The following MCPH1 variants were observed in gnomAD, a reference collection of about 807,000 sequenced individuals.
The protein encoded by MCPH1 is microcephalin.
In MCPH1, 104 loss-of-function variants were observed where a neutral mutation model predicts 84.5. That is an observed-to-expected ratio of 1.23 (90% CI 1.05 to 1.45). The LOEUF is 1.45. Among genes scored for constraint, MCPH1 ranks in the 40% most tolerant of loss-of-function variants. The pLI, the probability that MCPH1 is intolerant of heterozygous loss-of-function variation, is 0.00. For synonymous variants in MCPH1, 514 were observed against 366.8 expected, an observed-to-expected ratio of 1.40 and a Z score of -4.58; for missense variants, 1,498 against 1,005.7, an observed-to-expected ratio of 1.49 and a Z score of -6.62.
At chr8:6,423,424 C>T (rs1020048269) in intron 3 of MCPH1, among the ~76,000 whole-genome samples, 1 of 152,066 alleles carries the variant, frequency 6.6e-6, no homozygotes, top group African/African-American at 2.4e-5. Flanking sequence ...CTCGGCCTCC[C>T]AAAGTGCTGG....
intron 4 of MCPH1, among the ~76,000 whole-genome samples, chr8:6,432,444 C>T (rs933326455): frequency 6.6e-6 from 1 of 152,176 alleles, no homozygotes; most frequent in African/African-American, 2.4e-5. Context: ...ATACAGAGGG[C>T]AAACTGTAGA....
intron 12 of MCPH1, among the ~76,000 whole-genome samples, chr8:6,576,680 GTATTTTTT>G (rs1827136768): frequency 5.5e-5 from 2 of 36,340 alleles, no homozygotes; most frequent in African/African-American, 1.3e-4. Context: ...GCTAATTTTT[GTATTTTTT>G]TTTTTTTTTT....
intron 11 of MCPH1, 93 bp from the exon 12 acceptor site, chr8:6,499,759 T>G: frequency 9.5e-7 from 1 of 1,057,724 alleles, no homozygotes; most frequent in South Asian, 1.3e-5. Flanking sequence ...GCGGAGTGTA[T>G]CACTTTTTGC....
At chr8:6,509,338 C>T (rs920147438) in intron 12 of MCPH1, among the ~76,000 whole-genome samples, 1 of 152,204 alleles carries the variant, frequency 6.6e-6, no homozygotes, top group African/African-American at 2.4e-5. Flanking sequence ...ATTTATTTTC[C>T]TGCTGCTTTC....
In MCPH1 at chr8:6,510,034, C is replaced by T. The variant is rs146543055; in HGVS notation, c.2214+10105C>T. On this transcript the variant is annotated intron_variant, in intron 12 of 13. Coordinates refer to ENST00000344683, the MANE Select transcript of MCPH1 (RefSeq NM_024596.5). Reference sequence around the variant, plus strand: ...TATCACCTTCACACCATCGTAAAGTCGAAAAATCTTAAGTTGAACCATTGT... The same window carrying T: ...TATCACCTTCACACCATCGTAAAGTTGAAAAATCTTAAGTTGAACCATTGT... 2.2e-4 allele frequency among the ~76,000 whole-genome samples: 34 copies of T among 152,090 alleles called. 1 individual carries two copies. In the East Asian group the frequency reaches 5.4e-3, roughly 24 times the overall value.
intron 13 of MCPH1, among the ~76,000 whole-genome samples, chr8:6,640,105 C>CGCGT (rs1354819792): frequency 1.7e-4 from 23 of 133,532 alleles, no homozygotes; most frequent in Non-Finnish European, 9.7e-5. Context: ...TGTGCGCGCG[C>CGCGT]GTGTGTGTGT....
At chr8:6,598,000 C>G (rs1829057306) in intron 12 of MCPH1, among the ~76,000 whole-genome samples, 1 of 152,234 alleles carries the variant, frequency 6.6e-6, no homozygotes, top group South Asian at 2.1e-4. Context: ...GCTGAATAAA[C>G]AGCCACATTT....
At chr8:6,585,945 G>A (rs1252850744) in intron 12 of MCPH1, among the ~76,000 whole-genome samples, 1 of 152,160 alleles carries the variant, frequency 6.6e-6, no homozygotes, top group Non-Finnish European at 1.5e-5. Context: ...TTTTCTGAAA[G>A]CAAGTGAAGC....
chr8:6,597,557 C>T (rs1412045581), intron 12 of MCPH1, among the ~76,000 whole-genome samples: 1 of 152,174 alleles, frequency 6.6e-6, no homozygotes, highest in Non-Finnish European at 1.5e-5. Context: ...AGAACATTCA[C>T]CAGCTCGGCC....
chr8:6,568,634 G>A (rs1356369637), intron 12 of MCPH1, among the ~76,000 whole-genome samples: 2 of 152,106 alleles, frequency 1.3e-5, no homozygotes, highest in African/African-American at 4.8e-5. Context: ...AAGCCCTGCC[G>A]AGCTGAAAAA....
At chr8:6,597,631 G>T (rs995937782) in intron 12 of MCPH1, among the ~76,000 whole-genome samples, 3 of 152,290 alleles carry the variant, frequency 2.0e-5, no homozygotes, top group African/African-American at 7.2e-5. Flanking sequence ...CCGGAACACG[G>T]AGGGAGGGCT....
Position 6,505,349 on chromosome 8 carries a change from T to TG in MCPH1, c.2214+5420_2214+5421insG, listed in dbSNP as rs1491322208. Among the ~76,000 whole-genome samples the TG allele has an allele frequency of 1.6e-3, 78 of 48,812 alleles. 2 individuals are homozygous for TG. The highest frequency in any genetic ancestry group is 9.5e-3 in the Admixed American group (47 of 4,944). The allele number at this position is 48,812 out of a possible 152,430, so 32.0% of individuals were successfully genotyped here. A position where few individuals can be genotyped will look rare whatever the true frequency, so the allele number is the denominator to read the frequency against. On this transcript the variant is annotated intron_variant, in intron 12 of 13. Coordinates refer to ENST00000344683, the MANE Select transcript of MCPH1 (RefSeq NM_024596.5). ...TATACATATAGAAAGAATATATATATTCTTTCTATATGTATATAGAATATA... is the reference window on the plus strand; with the variant it reads ...TATACATATAGAAAGAATATATATATGTCTTTCTATATGTATATAGAATATA...
chr8:6,409,944 G>A (rs1563164421), intron 2 of MCPH1, among the ~76,000 whole-genome samples: 1 of 151,806 alleles, frequency 6.6e-6, no homozygotes, highest in Non-Finnish European at 1.5e-5. Context: ...AGGAGAAGGA[G>A]AAAGGAAGTG....
intron 12 of MCPH1, among the ~76,000 whole-genome samples, chr8:6,520,299 T>C (rs1817065790): frequency 6.6e-6 from 1 of 152,222 alleles, no homozygotes; most frequent in South Asian, 2.1e-4. Flanking sequence ...ATAAATTAAA[T>C]TATTACTTTT....
intron 12 of MCPH1, among the ~76,000 whole-genome samples, chr8:6,571,640 T>C (rs1826666687): frequency 6.6e-6 from 1 of 152,180 alleles, no homozygotes; most frequent in African/African-American, 2.4e-5. Flanking sequence ...TCATATGTGC[T>C]ATTTACATTA....
At chr8:6,450,562 T>C (rs970460153) in intron 8 of MCPH1, among the ~76,000 whole-genome samples, 5 of 150,590 alleles carry the variant, frequency 3.3e-5, no homozygotes, top group African/African-American at 1.2e-4. Context: ...TCCCCTGCAA[T>C]ATTTAAGCCA....
At chr8:6,614,201 C>T (rs140175321) in intron 12 of MCPH1, among the ~76,000 whole-genome samples, 9 of 152,334 alleles carry the variant, frequency 5.9e-5, no homozygotes, top group African/African-American at 2.2e-4. Flanking sequence ...CAATGATCAG[C>T]ACTAGGATAT....
Position 6,543,279 on chromosome 8 carries a change from G to A in MCPH1, c.2214+43350G>A, listed in dbSNP as rs9644414. ...ACACAAGCCATCTTCTGTACATGAA[G>A]ATGCACTACTGACCCGCCGTCCGCA... On this transcript the variant is annotated intron_variant, in intron 12 of 13. Coordinates refer to ENST00000344683, the MANE Select transcript of MCPH1 (RefSeq NM_024596.5). Among the ~76,000 whole-genome samples the A allele has an allele frequency of 0.014, 2,090 of 152,256 alleles. 150 individuals are homozygous for A. In the East Asian group the frequency reaches 0.22, roughly 16 times the overall value.
chr8:6,591,038 G>C (rs542195011), intron 12 of MCPH1, among the ~76,000 whole-genome samples: 1 of 152,296 alleles, frequency 6.6e-6, no homozygotes, highest in South Asian at 2.1e-4. Flanking sequence ...AGCTGGGATT[G>C]CAAGCATGTG....
Sources: gnomAD v4.1 joint callset for allele counts (sites outside exome capture counted in the v4.1 genomes callset) on GRCh38, gnomAD v4.1.1 for gene constraint, MANE v1.5 for transcripts, NCBI Gene and HGNC (gene_info 2026-07-23, HGNC 2026-07-21) for gene names.